ANKS1B: variants seen among roughly 807,000 people sequenced by gnomAD.
The protein encoded by ANKS1B is ankyrin repeat and sterile alpha motif domain-containing protein 1B.
Under a neutral mutation model 148.3 loss-of-function variants are expected in ANKS1B, and 36 were observed. That is an observed-to-expected ratio of 0.24 (90% CI 0.19 to 0.32). The LOEUF is 0.32. Ranked by LOEUF, ANKS1B falls within the 10% of genes least tolerant of loss-of-function variation. The probability of loss-of-function intolerance (pLI) is 1.00; values close to 1 mark genes in which losing one functional copy is unlikely to be tolerated. For synonymous variants in ANKS1B, 542 were observed against 560.8 expected (o/e 0.97, Z 0.47); for missense variants, 1,157 against 1,542.6 (o/e 0.75, Z 4.19).
At chr12:98,833,017 T>C (rs1339982087) in intron 17 of ANKS1B, among the ~76,000 whole-genome samples, 1 of 152,162 alleles carries the variant, frequency 6.6e-6, no homozygotes, top group Non-Finnish European at 1.5e-5. Flanking sequence ...AATGAAGGAC[T>C]GCCTATTGGG....
chr12:98,786,669 G>A (rs184309278), intron 22 of ANKS1B, among the ~76,000 whole-genome samples: 12 of 152,270 alleles, frequency 7.9e-5, no homozygotes, highest in South Asian at 2.1e-4. Flanking sequence ...AGACTTTTCC[G>A]AGCACGAATG....
intron 8 of ANKS1B, chr12:99,772,713 G>A: frequency 2.6e-6 from 1 of 387,502 alleles, no homozygotes; most frequent in Non-Finnish European, 4.6e-6. Flanking sequence ...TAAAAGTAGA[G>A]AGACCATGAA....
chr12:99,510,427 T>C (rs1335588549), intron 9 of ANKS1B, among the ~76,000 whole-genome samples: 2 of 151,932 alleles, frequency 1.3e-5, no homozygotes, highest in Non-Finnish European at 1.5e-5. Flanking sequence ...CTAGATGAAG[T>C]TGACTCCAAC....
intron 9 of ANKS1B, among the ~76,000 whole-genome samples, chr12:99,620,864 A>T (rs2098038874): frequency 6.6e-6 from 1 of 152,192 alleles, no homozygotes; most frequent in Admixed American, 6.5e-5. Context: ...AATTACCCTA[A>T]TCTTGCTAGA....
intron 17 of ANKS1B, among the ~76,000 whole-genome samples, chr12:98,896,605 G>C (rs544449692): frequency 4.4e-4 from 67 of 152,324 alleles, no homozygotes; most frequent in African/African-American, 1.6e-3. Context: ...GCAAGCGGCA[G>C]GGCCAGGACA....
chr12:98,837,410 T>TATTG (rs1196811673), intron 17 of ANKS1B, among the ~76,000 whole-genome samples: 4 of 152,072 alleles, frequency 2.6e-5, no homozygotes, highest in African/African-American at 9.6e-5. Context: ...TTATTACAAC[T>TATTG]ATTGTAAGAG....
At chr12:99,232,489 T>C (rs1364280817) in intron 14 of ANKS1B, among the ~76,000 whole-genome samples, 1 of 152,226 alleles carries the variant, frequency 6.6e-6, no homozygotes, top group Admixed American at 6.5e-5. Flanking sequence ...AGCGCTTGAT[T>C]ACTCTGCATG....
chr12:99,833,088 T>C (rs114061271), intron 1 of ANKS1B, among the ~76,000 whole-genome samples: 3 of 152,130 alleles, frequency 2.0e-5, no homozygotes, highest in East Asian at 1.9e-4. Context: ...GAAAAATACA[T>C]GCAAAAATAC....
At chr12:99,356,539 G>A (rs1566949573) in intron 12 of ANKS1B, among the ~76,000 whole-genome samples, 1 of 152,080 alleles carries the variant, frequency 6.6e-6, no homozygotes, top group Non-Finnish European at 1.5e-5. Context: ...TGTACACGCT[G>A]GCAAAGGAAA....
chr12:98,809,495 T>C (rs1367369913), intron 19 of ANKS1B, among the ~76,000 whole-genome samples: 1 of 152,180 alleles, frequency 6.6e-6, no homozygotes, highest in Non-Finnish European at 1.5e-5. Context: ...CTTCTAGTGC[T>C]AAATAATCCA....
At chr12:99,700,740 A>G (rs561756439) in intron 8 of ANKS1B, among the ~76,000 whole-genome samples, 2 of 152,314 alleles carry the variant, frequency 1.3e-5, no homozygotes, top group South Asian at 4.1e-4. Context: ...ATAAAGGGGA[A>G]CTACTGTATT....
chr12:99,010,968 C>A (rs1018817711), intron 17 of ANKS1B, among the ~76,000 whole-genome samples: 2 of 148,278 alleles, frequency 1.3e-5, no homozygotes, highest in Non-Finnish European at 3.0e-5. Context: ...GTCTTGAAGT[C>A]CTGGCCTCAA....
intron 1 of ANKS1B, among the ~76,000 whole-genome samples, chr12:99,895,982 A>T (rs572808879): frequency 6.6e-6 from 1 of 151,166 alleles, no homozygotes; most frequent in African/African-American, 2.4e-5. Context: ...GTATCTCTTT[A>T]AGGTATATAA....
chr12:98,951,908 G>A (rs2099854665), intron 17 of ANKS1B, among the ~76,000 whole-genome samples: 1 of 152,112 alleles, frequency 6.6e-6, no homozygotes, highest in Admixed American at 6.6e-5. Context: ...TTTCATCACA[G>A]GGCCTTTGTT....
In ANKS1B at chr12:99,465,424, T is replaced by C. The variant is rs1045092493; in HGVS notation, c.1439-21615A>G. On this transcript the variant is annotated intron_variant, in intron 10 of 26. Coordinates refer to ENST00000683438, the MANE Select transcript of ANKS1B (RefSeq NM_001352186.2). ...ACCAGCTAACATCATAATGACAGGATCAAATTCAAACATAACAGTATTAAC... is the reference window on the plus strand; with the variant it reads ...ACCAGCTAACATCATAATGACAGGACCAAATTCAAACATAACAGTATTAAC... Among the ~76,000 whole-genome samples the C allele has an allele frequency of 1.6e-4, 24 of 152,130 alleles. No individual in the cohort carries two copies. The South Asian group carries it at 1.7e-3, about 11-fold the overall frequency.
intron 14 of ANKS1B, among the ~76,000 whole-genome samples, chr12:99,188,517 A>G (rs1008641273): frequency 3.3e-5 from 5 of 152,212 alleles, no homozygotes; most frequent in Non-Finnish European, 7.3e-5. Flanking sequence ...AGTGCAATCA[A>G]ATTGGAACTC....
At chr12:99,184,176 AC>A (rs2079492637) in intron 14 of ANKS1B, among the ~76,000 whole-genome samples, 1 of 152,230 alleles carries the variant, frequency 6.6e-6, no homozygotes, top group South Asian at 2.1e-4. Flanking sequence ...TGATAGTAAC[AC>A]AATATATCTT....
chr12:99,234,598 A>G (rs933344172), intron 14 of ANKS1B, among the ~76,000 whole-genome samples: 1 of 152,174 alleles, frequency 6.6e-6, no homozygotes, highest in Non-Finnish European at 1.5e-5. Flanking sequence ...CTAAAATTTA[A>G]TATGTATCTG....
At chr12:99,415,744 T>C (rs7316651) in intron 11 of ANKS1B, among the ~76,000 whole-genome samples, 62,871 of 151,630 alleles carry the variant, frequency 0.41, 13,543 homozygotes, top group African/African-American at 0.53. Context: ...AGTGTAGTGG[T>C]GAGATCTCGG....
Sources: allele counts gnomAD v4.1 joint callset (sites outside exome capture counted in the v4.1 genomes callset), GRCh38; gene constraint gnomAD v4.1.1; transcripts MANE v1.5; gene names NCBI Gene and HGNC (gene_info 2026-07-23, HGNC 2026-07-21).